GALNT2: variants seen among roughly 807,000 people sequenced by gnomAD.
The protein encoded by GALNT2 is UDP-GalNAc:polypeptide N-acetylgalactosaminyltransferase 2.
A neutral mutation model predicts 81.4 loss-of-function variants in GALNT2; 31 were observed. That is an observed-to-expected ratio of 0.38 (90% CI 0.29 to 0.51). The LOEUF is 0.51. Among genes scored for constraint, GALNT2 ranks in the 20% least tolerant of loss-of-function variants. GALNT2 has a pLI of 0.87. For missense variants in GALNT2, 629 were observed against 765.7 expected (o/e 0.82, Z 2.11); for synonymous variants, 303 against 287.4 (o/e 1.05, Z -0.55).
At chr1:230,222,390 T>G (rs924173834) in intron 3 of GALNT2, among the ~76,000 whole-genome samples, 13 of 152,180 alleles carry the variant, frequency 8.5e-5, no homozygotes, top group Admixed American at 6.5e-4. Context: ...TTATGTCTAC[T>G]TAATTGGTTT....
In GALNT2 at chr1:230,275,920, CAGAT is replaced by C. The variant is rs915231862; in HGVS notation, c.1560+1358_1560+1361del. ...ACACCACATATATACATAGACACCA[CAGAT>C]ACATACATATATACATGCCACATAT... On this transcript the variant is annotated intron_variant, in intron 15 of 15. Transcript: ENST00000366672. The surrounding 1 kb of genome is among the most constrained non-coding windows in gnomAD (Gnocchi z 5.5). Among the ~76,000 whole-genome samples the C allele has an allele frequency of 6.7e-6, 1 of 149,688 alleles. No homozygotes were observed. The highest frequency in any genetic ancestry group is 6.7e-5 in the Admixed American group (1 of 14,944).
Position 230,243,454 on chromosome 1 carries a change from G to A in GALNT2, c.729+27G>A, listed in dbSNP as rs1261331487. 6.2e-7 allele frequency: 1 copy of A among 1,606,396 alleles called. No individual in the cohort carries two copies. The highest frequency in any genetic ancestry group is 1.7e-5 in the Admixed American group (1 of 59,784). ...TGAGATGACGGGGGCTGGGAGGGGTGTCAGGTCGTGGGTGGTTGGTAGAGG... is the reference window on the plus strand; with the variant it reads ...TGAGATGACGGGGGCTGGGAGGGGTATCAGGTCGTGGGTGGTTGGTAGAGG... On this transcript the variant is annotated intron_variant, in intron 7 of 15. Coordinates refer to ENST00000366672, the MANE Select transcript of GALNT2 (RefSeq NM_004481.5). This position sits in a 1 kb window ranked among gnomAD's most constrained non-coding sequence, Gnocchi z 4.2.
chr1:230,279,466 C>T lies in GALNT2; in HGVS notation c.*8C>T, dbSNP rs2273969. The T allele has an allele frequency of 2.4e-3, 3,819 of 1,612,412 alleles. 28 individuals are homozygous for T. The African/African-American group carries it at 0.026, about 11-fold the overall frequency. The stretch of plus-strand genomic sequence containing the variant: ...CTCAACCTGCAGCAGTAGGAGGGTC[C>T]GGGAGGCCCTGCCGTCCTGTCTCCT... On this transcript the variant is annotated 3_prime_UTR_variant, in exon 16 of 16. Coordinates refer to ENST00000366672, the MANE Select transcript of GALNT2 (RefSeq NM_004481.5). This position sits in a 1 kb window ranked among gnomAD's most constrained non-coding sequence, Gnocchi z 4.6.
chr1:230,218,231 A>G (rs1664445605), intron 3 of GALNT2, among the ~76,000 whole-genome samples: 1 of 152,206 alleles, frequency 6.6e-6, no homozygotes, highest in Non-Finnish European at 1.5e-5. Flanking sequence ...CGGATGTGGA[A>G]TGTGAAGAAG....
chr1:230,203,609 C>T (rs1558138573), intron 3 of GALNT2, among the ~76,000 whole-genome samples: 1 of 152,056 alleles, frequency 6.6e-6, no homozygotes, highest in Non-Finnish European at 1.5e-5. Flanking sequence ...TTTTTATGAT[C>T]CATTCACAAA....
intron 3 of GALNT2, among the ~76,000 whole-genome samples, chr1:230,206,835 T>C (rs1291786528): frequency 6.6e-6 from 1 of 152,172 alleles, no homozygotes; most frequent in Non-Finnish European, 1.5e-5. Flanking sequence ...CTTTATCATC[T>C]ATAAGATGAT....
At chr1:230,247,078 TA>T (rs1311476492) in intron 8 of GALNT2, among the ~76,000 whole-genome samples, 8,522 of 135,648 alleles carry the variant, frequency 0.063, 231 homozygotes, top group Middle Eastern at 0.08. Flanking sequence ...TTGTCTCTAT[TA>T]AAAAAAAAAA....
intron 1 of GALNT2, among the ~76,000 whole-genome samples, chr1:230,071,324 C>T (rs1372502789): frequency 6.6e-6 from 1 of 152,184 alleles, no homozygotes; most frequent in East Asian, 1.9e-4. Flanking sequence ...AGACACCATG[C>T]CAGCTCTCTT....
rs1302433688 is a variant in GALNT2, at chr1:230,178,205, T to G, written c.127-13T>G. 6.2e-7 allele frequency: 1 copy of G among 1,603,572 alleles called. No homozygotes were observed. Among genetic ancestry groups the G allele is most frequent in the East Asian group, 2.2e-5 (1 of 44,854 alleles). On this transcript the variant is annotated splice_polypyrimidine_tract_variant and intron_variant, in intron 1 of 15. Coordinates refer to ENST00000366672, the MANE Select transcript of GALNT2 (RefSeq NM_004481.5). Reference sequence around the variant, plus strand: ...AGAACAAGTCAACTCATTCAGTGTCTTTGTTCCCCTAGGAGGACTGGAATG... The same window carrying G: ...AGAACAAGTCAACTCATTCAGTGTCGTTGTTCCCCTAGGAGGACTGGAATG...
chr1:230,253,520 C>A (rs1665614520), intron 10 of GALNT2, among the ~76,000 whole-genome samples: 1 of 152,174 alleles, frequency 6.6e-6, no homozygotes, highest in African/African-American at 2.4e-5. Flanking sequence ...TCTGTAGATA[C>A]TATATGTGTA....
chr1:230,236,408 T>G lies in GALNT2; in HGVS notation c.529T>G (p.Tyr177Asp). ...AAAAGAAATCATCTTGGTGGATGAC[T>G]ACAGCAATGATCGTGAGTACTGACA... ...LIKEIILVDD[Y>D]SNDPEDGALL... The change falls in exon 5 of 16, where the codon TAC (tyrosine) becomes GAC (aspartate). Residue 177 changes from tyrosine to aspartate, a missense_variant. Physicochemically the swap from Tyr to Asp is radical, Grantham distance 160 (BLOSUM62 -3). Around this residue, in one of 3 missense-constraint regions of GALNT2, gnomAD observed 360 missense variants for 492.8 expected, o/e 0.73. Transcript: ENST00000366672. The G allele has an allele frequency of 6.2e-7, 1 of 1,614,048 alleles. No homozygotes were observed. Among genetic ancestry groups the G allele is most frequent in the East Asian group, 2.2e-5 (1 of 44,882 alleles).
rs762299242 is a variant in GALNT2, at chr1:230,092,176, G to GTTTTTTTTTGTTTTTTTTTTTTTT, written c.126+24779_126+24780insGTTTTTTTTTTTTTTTTTTTTTTT. On this transcript the variant is annotated intron_variant, in intron 1 of 15. Transcript: ENST00000366672. Reference sequence around the variant, plus strand: ...TTACAGTTCACCTTATATTCCTTTAGTTTTTTTTTTTTTTTTTTTTGCACT... The same window carrying GTTTTTTTTTGTTTTTTTTTTTTTT: ...TTACAGTTCACCTTATATTCCTTTAGTTTTTTTTTGTTTTTTTTTTTTTTTTTTTTTTTTTTTTTTTTTTGCACT... 3.5e-3 allele frequency: 148 copies of GTTTTTTTTTGTTTTTTTTTTTTTT among 42,120 alleles called. 3 individuals carry two copies. The highest frequency in any genetic ancestry group is 0.011 in the East Asian group (16 of 1,508). The allele number at this position is 42,120 out of a possible 1,614,324, so 2.6% of individuals were successfully genotyped here.
chr1:230,059,085 T>C (rs1205255928), intron 1 of GALNT2, among the ~76,000 whole-genome samples: 1 of 152,204 alleles, frequency 6.6e-6, no homozygotes, highest in African/African-American at 2.4e-5. Flanking sequence ...TGATTGGGTA[T>C]TGTCCCCCTT....
intron 1 of GALNT2, among the ~76,000 whole-genome samples, chr1:230,164,111 T>C (rs1662523369): frequency 6.6e-6 from 1 of 152,230 alleles, no homozygotes; most frequent in African/African-American, 2.4e-5. Flanking sequence ...AACACATACG[T>C]AACTGCAATC....
Position 230,094,063 on chromosome 1 carries a change from A to G in GALNT2, c.126+26657A>G, listed in dbSNP as rs147326323. On this transcript the variant is annotated intron_variant, in intron 1 of 15. Coordinates refer to ENST00000366672, the MANE Select transcript of GALNT2 (RefSeq NM_004481.5). ...GTTGCCCAGGCTGGAATGCAGTGGC[A>G]CAAACATCACTGCAACCTCGATCTC... 1.3e-3 allele frequency among the ~76,000 whole-genome samples: 195 copies of G among 152,122 alleles called. 1 individual carries two copies. The East Asian group carries it at 0.016, about 12-fold the overall frequency.
intron 1 of GALNT2, among the ~76,000 whole-genome samples, chr1:230,162,974 A>G (rs1396984699): frequency 2.6e-5 from 4 of 152,222 alleles, no homozygotes; most frequent in Admixed American, 6.5e-5. Context: ...CTGTGTGTAC[A>G]CATTAAATCA....
At chr1:230,205,784 A>C (rs1456542594) in intron 3 of GALNT2, among the ~76,000 whole-genome samples, 1 of 152,134 alleles carries the variant, frequency 6.6e-6, no homozygotes, top group Non-Finnish European at 1.5e-5. Flanking sequence ...GCCCATCCCC[A>C]GGCTAACCAG....
chr1:230,071,902 G>T lies in GALNT2; in HGVS notation c.126+4496G>T, dbSNP rs369341640. Among the ~76,000 whole-genome samples, 6 of 152,174 alleles carry T rather than the reference G, an allele frequency of 3.9e-5. No homozygotes were observed. The East Asian group carries it at 5.8e-4, about 15-fold the overall frequency. ...AATGGAAACAGATTGTGTGACTGCTGAACAGTGCAAAAGTAACGAGCTCTT... is the reference window on the plus strand; with the variant it reads ...AATGGAAACAGATTGTGTGACTGCTTAACAGTGCAAAAGTAACGAGCTCTT... On this transcript the variant is annotated intron_variant, in intron 1 of 15. Transcript: ENST00000366672.
intron 1 of GALNT2, among the ~76,000 whole-genome samples, chr1:230,140,202 C>T (rs1558104826): frequency 6.6e-6 from 1 of 152,178 alleles, no homozygotes; most frequent in Non-Finnish European, 1.5e-5. Context: ...GGAATGAATC[C>T]CAAGGCTTGG....
Sources: gnomAD v4.1 joint callset for allele counts (sites outside exome capture counted in the v4.1 genomes callset) on GRCh38, gnomAD v4.1.1 for gene constraint, gnomAD v4.1.1 regional missense constraint, Gnocchi (gnomAD v3.1) non-coding constraint, MANE v1.5 for transcripts, NCBI Gene and HGNC (gene_info 2026-07-23, HGNC 2026-07-21) for gene names.